RALYL: variants seen among roughly 807,000 people sequenced by gnomAD.
The protein encoded by RALYL is RALY RNA binding protein like.
In RALYL, 29 loss-of-function variants were observed where a neutral mutation model predicts 35.1. The observed-to-expected ratio is 0.83, with a 90% CI of 0.61 to 1.13. RALYL has a LOEUF of 1.13. Among genes scored for constraint, RALYL ranks in the 50% most tolerant of loss-of-function variants. The pLI is 0.00. For synonymous variants in RALYL, 120 were observed against 127.6 expected (o/e 0.94, Z 0.40); for missense variants, 359 against 360.4 (o/e 1.00, Z 0.03).
chr8:84,210,303 T>A (rs1186336330), intron 1 of RALYL, among the ~76,000 whole-genome samples: 2 of 152,084 alleles, frequency 1.3e-5, no homozygotes, highest in African/African-American at 2.4e-5. Context: ...TATTGACAGC[T>A]GATAAATCTT....
At chr8:84,464,147 T>TG (rs1025776659) in intron 1 of RALYL, among the ~76,000 whole-genome samples, 14 of 151,720 alleles carry the variant, frequency 9.2e-5, no homozygotes, top group African/African-American at 2.9e-4. Flanking sequence ...TTTTTGTTTT[T>TG]TTTTTTATTA....
intron 1 of RALYL, among the ~76,000 whole-genome samples, chr8:84,363,254 A>C (rs1442181057): frequency 6.6e-6 from 1 of 152,186 alleles, no homozygotes; most frequent in Non-Finnish European, 1.5e-5. Flanking sequence ...TTCTAATCGC[A>C]GTGATGTTGG....
intron 2 of RALYL, among the ~76,000 whole-genome samples, chr8:84,756,166 C>T (rs181210211): frequency 5.4e-4 from 82 of 151,922 alleles, no homozygotes; most frequent in Non-Finnish European, 1.0e-3. Flanking sequence ...CTCATCCCCC[C>T]CAAAAAAACC....
At chr8:84,851,905 T>C (rs965386354) in intron 5 of RALYL, among the ~76,000 whole-genome samples, 1 of 152,236 alleles carries the variant, frequency 6.6e-6, no homozygotes, top group Admixed American at 6.5e-5. Flanking sequence ...CTTTCTGCAG[T>C]GTTTGATTCA....
intron 2 of RALYL, among the ~76,000 whole-genome samples, chr8:84,533,624 C>T (rs753552766): frequency 1.8e-4 from 28 of 152,096 alleles, no homozygotes; most frequent in Admixed American, 3.3e-4. Context: ...CATTTTTGTT[C>T]TGAAACCCAT....
chr8:84,884,759 T>A (rs984259848), intron 7 of RALYL, among the ~76,000 whole-genome samples: 1 of 152,078 alleles, frequency 6.6e-6, no homozygotes, highest in Non-Finnish European at 1.5e-5. Context: ...TTAAAAAATT[T>A]ATAAGATTCA....
chr8:84,864,726 C>T (rs187096587), intron 6 of RALYL: 78 of 567,442 alleles, frequency 1.4e-4, no homozygotes, highest in African/African-American at 9.9e-4. Context: ...ATACTTGAGT[C>T]AGGGAGCTTG....
At chr8:84,425,430 C>G (rs1319028552) in intron 1 of RALYL, among the ~76,000 whole-genome samples, 1 of 152,216 alleles carries the variant, frequency 6.6e-6, no homozygotes, top group Non-Finnish European at 1.5e-5. Flanking sequence ...CGCTCACCCA[C>G]TGGCCTGCGC....
intron 1 of RALYL, among the ~76,000 whole-genome samples, chr8:84,480,169 AAAT>A (rs2053894030): frequency 6.6e-6 from 1 of 152,184 alleles, no homozygotes. Context: ...AGCTGAGTAT[AAAT>A]AATATTCTGA....
At chr8:84,497,494 A>G (rs1352197298) in intron 1 of RALYL, among the ~76,000 whole-genome samples, 1 of 152,148 alleles carries the variant, frequency 6.6e-6, no homozygotes, top group Non-Finnish European at 1.5e-5. Context: ...TTAACTTTCC[A>G]CTTTTCATAA....
intron 8 of RALYL, among the ~76,000 whole-genome samples, chr8:84,915,163 AT>A (rs1177783286): frequency 2.0e-5 from 3 of 152,028 alleles, no homozygotes; most frequent in Admixed American, 6.6e-5. Flanking sequence ...CATTATGATG[AT>A]TGTCACCCAT....
intron 1 of RALYL, among the ~76,000 whole-genome samples, chr8:84,428,741 GA>G (rs2046817815): frequency 6.6e-6 from 1 of 152,100 alleles, no homozygotes; most frequent in Non-Finnish European, 1.5e-5. Flanking sequence ...AATTCACACA[GA>G]AAACATATAT....
intron 1 of RALYL, among the ~76,000 whole-genome samples, chr8:84,363,821 A>T (rs1182438616): frequency 1.3e-5 from 2 of 152,192 alleles, no homozygotes; most frequent in Non-Finnish European, 2.9e-5. Context: ...TTAGAGGATG[A>T]ATACACACCC....
At chr8:84,355,675 G>A (rs1416035683) in intron 1 of RALYL, among the ~76,000 whole-genome samples, 2 of 150,280 alleles carry the variant, frequency 1.3e-5, no homozygotes, top group African/African-American at 5.0e-5. Flanking sequence ...AGCAGGAAGT[G>A]CAGATAGCAT....
chr8:84,571,883 G>T (rs1226688339), intron 2 of RALYL, among the ~76,000 whole-genome samples: 4 of 151,776 alleles, frequency 2.6e-5, no homozygotes, highest in Admixed American at 6.6e-5. Context: ...AAGCCATTCA[G>T]GAGGAAATTG....
chr8:84,186,399 T>C (rs1018585908), intron 1 of RALYL, among the ~76,000 whole-genome samples: 5 of 152,222 alleles, frequency 3.3e-5, no homozygotes, highest in African/African-American at 1.2e-4. Context: ...TACATAGAAA[T>C]GCTCATTTAT....
intron 2 of RALYL, among the ~76,000 whole-genome samples, chr8:84,656,197 C>G (rs1417000359): frequency 6.6e-6 from 1 of 152,126 alleles, no homozygotes; most frequent in Non-Finnish European, 1.5e-5. Context: ...TGATTGAGGG[C>G]ACAGCTCAAT....
At chr8:84,786,751 T>G (rs1193964718) in intron 3 of RALYL, among the ~76,000 whole-genome samples, 3 of 152,214 alleles carry the variant, frequency 2.0e-5, no homozygotes, top group Admixed American at 6.5e-5. Context: ...ATGGTTAGAT[T>G]GCAAAAATTT....
At chr8:84,562,586 C>T (rs1358627140) in intron 2 of RALYL, among the ~76,000 whole-genome samples, 1 of 151,840 alleles carries the variant, frequency 6.6e-6, no homozygotes, top group African/African-American at 2.4e-5. Flanking sequence ...AAAAATGGAA[C>T]AGATGGGCAT....
Sources: allele counts gnomAD v4.1 joint callset (sites outside exome capture counted in the v4.1 genomes callset), GRCh38; gene constraint gnomAD v4.1.1; transcripts MANE v1.5; gene names NCBI Gene and HGNC (gene_info 2026-07-23, HGNC 2026-07-21).